The following NLGN1 variants were observed in gnomAD, a reference collection of about 807,000 sequenced individuals.
NLGN1 encodes neuroligin-1.
Under a neutral mutation model 65.5 loss-of-function variants are expected in NLGN1, and 12 were observed. That is an observed-to-expected ratio of 0.18 (90% CI 0.12 to 0.30). NLGN1 has a LOEUF of 0.30. Among genes scored for constraint, NLGN1 ranks in the 10% least tolerant of loss-of-function variants. The probability of loss-of-function intolerance (pLI) is 1.00; values close to 1 mark genes in which losing one functional copy is unlikely to be tolerated. For synonymous variants in NLGN1, 350 were observed against 359.5 expected, an observed-to-expected ratio of 0.97 and a Z score of 0.30; for missense variants, 750 against 1,007.1, an observed-to-expected ratio of 0.74 and a Z score of 3.46.
intron 4 of NLGN1, among the ~76,000 whole-genome samples, chr3:173,820,204 C>T (rs538101495): frequency 1.5e-5 from 2 of 134,756 alleles, no homozygotes; most frequent in East Asian, 2.7e-4. Flanking sequence ...AAAAAAAAAA[C>T]GAGAAAGAGT....
At chr3:174,059,364 C>T (rs973115020) in intron 4 of NLGN1, among the ~76,000 whole-genome samples, 4 of 152,202 alleles carry the variant, frequency 2.6e-5, no homozygotes, top group African/African-American at 2.4e-5. Context: ...GAATTCCGTT[C>T]AACAGTGTTT....
At chr3:174,142,693 G>A (rs76301407) in intron 4 of NLGN1, among the ~76,000 whole-genome samples, 14,492 of 152,004 alleles carry the variant, frequency 0.095, 1,881 homozygotes, top group African/African-American at 0.28. Context: ...CAAAAAAAGG[G>A]TTAAATCAGG....
intron 1 of NLGN1, among the ~76,000 whole-genome samples, chr3:173,401,075 C>T (rs148537769): frequency 6.6e-6 from 1 of 152,128 alleles, no homozygotes; most frequent in African/African-American, 2.4e-5. Flanking sequence ...AAGAAGATAA[C>T]AGTATTCTAC....
At chr3:173,771,207 G>A (rs778836357) in intron 3 of NLGN1, among the ~76,000 whole-genome samples, 5 of 152,012 alleles carry the variant, frequency 3.3e-5, no homozygotes, top group Admixed American at 2.0e-4. Context: ...CTGCATGTCC[G>A]TCTTCCCATT....
At chr3:173,544,206 A>G (rs1739369942) in intron 2 of NLGN1, among the ~76,000 whole-genome samples, 1 of 152,046 alleles carries the variant, frequency 6.6e-6, no homozygotes. Flanking sequence ...AGAAAAAGAA[A>G]AAAAAGGAAG....
At chr3:173,963,079 T>C (rs1713986863) in intron 4 of NLGN1, among the ~76,000 whole-genome samples, 1 of 152,150 alleles carries the variant, frequency 6.6e-6, no homozygotes, top group African/African-American at 2.4e-5. Context: ...TACCATTTAT[T>C]ACACTCTTGC....
chr3:173,975,004 A>G (rs1579515216), intron 4 of NLGN1, among the ~76,000 whole-genome samples: 1 of 152,044 alleles, frequency 6.6e-6, no homozygotes, highest in Admixed American at 6.6e-5. Flanking sequence ...TACAGTAGTG[A>G]CCCAAGGACA....
chr3:173,403,140 T>C (rs1718007590), intron 1 of NLGN1, among the ~76,000 whole-genome samples: 2 of 152,176 alleles, frequency 1.3e-5, no homozygotes, highest in Non-Finnish European at 1.5e-5. Flanking sequence ...ATGCTTCTGA[T>C]GTAGAATGCA....
At chr3:173,547,081 G>A (rs1739989325) in intron 2 of NLGN1, among the ~76,000 whole-genome samples, 1 of 152,028 alleles carries the variant, frequency 6.6e-6, no homozygotes, top group Non-Finnish European at 1.5e-5. Context: ...CTCCACTTTG[G>A]CATACTTGTT....
chr3:174,203,834 C>G (rs755497779), intron 4 of NLGN1, among the ~76,000 whole-genome samples: 8 of 152,014 alleles, frequency 5.3e-5, no homozygotes, highest in Admixed American at 1.3e-4. Context: ...GAAACTTAAT[C>G]CAATCATTCC....
At chr3:173,598,996 T>A (rs567547599) in intron 2 of NLGN1, among the ~76,000 whole-genome samples, 119 of 152,286 alleles carry the variant, frequency 7.8e-4, no homozygotes, top group Non-Finnish European at 1.4e-3. Context: ...CAGTATCTAC[T>A]GAACATTCTT....
At chr3:173,486,053 T>G in intron 2 of NLGN1, among the ~76,000 whole-genome samples, 1 of 152,046 alleles carries the variant, frequency 6.6e-6, no homozygotes, top group Admixed American at 6.6e-5. Context: ...TTATTTTTAT[T>G]TTTATTTTTG....
rs6779972 is a variant in NLGN1 at position 174,239,015 on chromosome 3, C to T, written c.647-36300C>T. On this transcript the variant is annotated intron_variant, in intron 4 of 6. Coordinates refer to ENST00000457714, the Ensembl canonical transcript of NLGN1. ...TCATTAGACATCCATTTCTTACCTA[C>T]AGCTAAAATGCAGAATAATATATTG... 3.0e-3 allele frequency among the ~76,000 whole-genome samples: 459 copies of T among 152,240 alleles called. 1 individual carries two copies. The highest frequency in any genetic ancestry group is 0.01 in the African/African-American group (434 of 41,544).
At chr3:173,775,405 G>A (rs1780163161) in intron 3 of NLGN1, among the ~76,000 whole-genome samples, 1 of 151,958 alleles carries the variant, frequency 6.6e-6, no homozygotes, top group South Asian at 2.1e-4. Flanking sequence ...GAGTTGAACA[G>A]ACCTGAATTT....
At chr3:173,751,866 CA>C (rs1211344777) in intron 3 of NLGN1, among the ~76,000 whole-genome samples, 8 of 152,066 alleles carry the variant, frequency 5.3e-5, no homozygotes, top group Non-Finnish European at 1.5e-5. Context: ...TCCTATTTTA[CA>C]GATAGGAAGC....
intron 1 of NLGN1, among the ~76,000 whole-genome samples, chr3:173,414,841 T>C (rs1044223636): frequency 9.2e-5 from 14 of 152,150 alleles, no homozygotes; most frequent in Non-Finnish European, 1.9e-4. Context: ...GTGTGCAGCC[T>C]AGAATGACAG....
At chr3:174,222,147 A>T (rs1738788825) in intron 4 of NLGN1, among the ~76,000 whole-genome samples, 2 of 152,170 alleles carry the variant, frequency 1.3e-5, no homozygotes. Context: ...TGAGCATTCA[A>T]ATAACTTAAA....
intron 2 of NLGN1, among the ~76,000 whole-genome samples, chr3:173,548,415 G>C (rs1233457851): frequency 6.6e-6 from 1 of 151,880 alleles, no homozygotes; most frequent in African/African-American, 2.4e-5. Flanking sequence ...AAGTGAAAGA[G>C]AAAGCATGAG....
At chr3:173,495,941 G>C (rs892853197) in intron 2 of NLGN1, among the ~76,000 whole-genome samples, 27 of 151,780 alleles carry the variant, frequency 1.8e-4, no homozygotes, top group African/African-American at 6.6e-4. Context: ...TTTTTATTCA[G>C]TATAAGGTTT....
Sources: gnomAD v4.1 joint callset for allele counts (sites outside exome capture counted in the v4.1 genomes callset) on GRCh38, gnomAD v4.1.1 for gene constraint, MANE v1.5 for transcripts, NCBI Gene and HGNC (gene_info 2026-07-23, HGNC 2026-07-21) for gene names.